Variants in SCHIP1 observed in about 807,000 individuals in gnomAD.
SCHIP1 encodes the protein schwannomin interacting protein 1, also known as schwannomin-interacting protein 1.
SCHIP1 carries 8 observed loss-of-function variants against 29.7 expected under a neutral mutation model. The observed-to-expected ratio is 0.27, with a 90% CI of 0.16 to 0.49. The LOEUF (loss-of-function observed/expected upper bound fraction) is 0.49. Among genes scored for constraint, SCHIP1 ranks in the 20% least tolerant of loss-of-function variants. The pLI is 0.99. For missense variants in SCHIP1, 193 were observed against 294.6 expected, an observed-to-expected ratio of 0.66 and a Z score of 2.52; for synonymous variants, 76 against 94.9, an observed-to-expected ratio of 0.80 and a Z score of 1.16.
the SCHIP1 span, among the ~76,000 whole-genome samples, chr3:159,392,256 T>C: frequency 6.6e-6 from 1 of 152,214 alleles, no homozygotes; most frequent in East Asian, 1.9e-4. Context: ...TACTATTCTA[T>C]GATTACATGT....
At chr3:159,457,931 G>A in the SCHIP1 span, among the ~76,000 whole-genome samples, 1 of 152,072 alleles carries the variant, frequency 6.6e-6, no homozygotes, top group African/African-American at 2.4e-5. Context: ...GCAGGTAACT[G>A]GAATTATGGA....
the SCHIP1 span, among the ~76,000 whole-genome samples, chr3:159,279,425 CA>C: frequency 7.2e-5 from 11 of 152,144 alleles, no homozygotes; most frequent in Admixed American, 2.0e-4. Context: ...TTCTTCATAG[CA>C]GTATGAAAAT....
the SCHIP1 span, among the ~76,000 whole-genome samples, chr3:159,790,281 T>C: frequency 2.6e-5 from 4 of 152,270 alleles, no homozygotes; most frequent in African/African-American, 9.6e-5. Flanking sequence ...ATATAACTTA[T>C]ACTGTTTTTA....
chr3:159,739,884 T>C, the SCHIP1 span, among the ~76,000 whole-genome samples: 1 of 152,374 alleles, frequency 6.6e-6, no homozygotes, highest in South Asian at 2.1e-4. Context: ...CTACATTTAT[T>C]CTGTTGAAAG....
the SCHIP1 span, chr3:159,273,849 C>CTGCT: frequency 1.9e-6 from 3 of 1,613,370 alleles, no homozygotes; most frequent in Non-Finnish European, 2.5e-6. Context: ...CGTGTTACAA[C>CTGCT]GTGGGACTGT....
the SCHIP1 span, among the ~76,000 whole-genome samples, chr3:159,773,325 TAGAC>T: frequency 3.9e-5 from 6 of 152,286 alleles, no homozygotes; most frequent in Middle Eastern, 6.8e-3. Flanking sequence ...ATTTTAGAGA[TAGAC>T]AGGGATTCTG....
intron 2 of SCHIP1, among the ~76,000 whole-genome samples, chr3:159,875,945 A>T (rs748878143): frequency 3.5e-4 from 54 of 152,272 alleles, no homozygotes; most frequent in Non-Finnish European, 6.6e-4. Context: ...AACAAAACAA[A>T]ACAAACCATG....
chr3:159,397,435 T>C, the SCHIP1 span, among the ~76,000 whole-genome samples: 6 of 152,222 alleles, frequency 3.9e-5, no homozygotes, highest in South Asian at 2.1e-4. Context: ...TTCTTTTTTT[T>C]CCCCATCTTT....
At chr3:159,403,247 T>C in the SCHIP1 span, among the ~76,000 whole-genome samples, 1 of 152,166 alleles carries the variant, frequency 6.6e-6, no homozygotes, top group Non-Finnish European at 1.5e-5. Flanking sequence ...GGATGGATTT[T>C]CCTGGAGATT....
chr3:159,390,814 AATTC>A, the SCHIP1 span, among the ~76,000 whole-genome samples: 4,101 of 152,146 alleles, frequency 0.027, 71 homozygotes, highest in East Asian at 0.11. Flanking sequence ...TCATGCAGCC[AATTC>A]ATTCATTCTT....
chr3:159,533,879 G>A, the SCHIP1 span, among the ~76,000 whole-genome samples: 8 of 152,154 alleles, frequency 5.3e-5, no homozygotes, highest in Non-Finnish European at 8.8e-5. Context: ...TCAAGAATTG[G>A]CCAGAGAAGG....
At chr3:159,679,549 T>C in the SCHIP1 span, among the ~76,000 whole-genome samples, 3 of 152,248 alleles carry the variant, frequency 2.0e-5, no homozygotes, top group Non-Finnish European at 4.4e-5. Flanking sequence ...AGGATCCGTG[T>C]CTGGCCTTGT....
At chr3:159,471,589 A>T in the SCHIP1 span, among the ~76,000 whole-genome samples, 1 of 152,152 alleles carries the variant, frequency 6.6e-6, no homozygotes, top group Non-Finnish European at 1.5e-5. Flanking sequence ...ACATTACCAT[A>T]CAAATAAAAT....
At chr3:159,615,704 C>A in the SCHIP1 span, among the ~76,000 whole-genome samples, 1 of 152,134 alleles carries the variant, frequency 6.6e-6, no homozygotes, top group Admixed American at 6.5e-5. Flanking sequence ...CCTGACAGAA[C>A]TGAATAGAAT....
the SCHIP1 span, among the ~76,000 whole-genome samples, chr3:159,369,814 T>G: frequency 6.6e-6 from 1 of 152,162 alleles, no homozygotes; most frequent in Non-Finnish European, 1.5e-5. Flanking sequence ...CTAGTTAAAA[T>G]AAGAGGATTG....
At chr3:159,481,674 T>C in the SCHIP1 span, among the ~76,000 whole-genome samples, 1 of 152,166 alleles carries the variant, frequency 6.6e-6, no homozygotes, top group African/African-American at 2.4e-5. Flanking sequence ...ACTTTTCTTG[T>C]TTTGACTGTA....
the SCHIP1 span, among the ~76,000 whole-genome samples, chr3:159,376,054 G>C: frequency 6.6e-6 from 1 of 152,084 alleles, no homozygotes; most frequent in East Asian, 1.9e-4. Context: ...TTCAAACAGA[G>C]GAGGAGTGCC....
the SCHIP1 span, among the ~76,000 whole-genome samples, chr3:159,680,965 A>G: frequency 6.6e-6 from 1 of 151,642 alleles, no homozygotes; most frequent in Non-Finnish European, 1.5e-5. Flanking sequence ...TATGCTTCGA[A>G]TATCAACTTT....
At chr3:159,450,681 C>T in the SCHIP1 span, among the ~76,000 whole-genome samples, 1 of 152,036 alleles carries the variant, frequency 6.6e-6, no homozygotes, top group African/African-American at 2.4e-5. Context: ...AGCCAAGTGC[C>T]TTTCTCCTCT....
Sources: allele counts gnomAD v4.1 joint callset (sites outside exome capture counted in the v4.1 genomes callset), GRCh38; gene constraint gnomAD v4.1.1; transcripts MANE v1.5; gene names NCBI Gene and HGNC (gene_info 2026-07-23, HGNC 2026-07-21).